Variants in KCNC1 observed in about 807,000 individuals in gnomAD.
KCNC1 encodes voltage-gated potassium channel KCNC1.
Under a neutral mutation model 43.4 loss-of-function variants are expected in KCNC1, and 8 were observed. The observed-to-expected ratio is 0.18, with a 90% confidence interval of 0.11 to 0.33. The LOEUF (loss-of-function observed/expected upper bound fraction) is 0.33, where lower values mean the gene tolerates loss of function less well. Among genes scored for constraint, KCNC1 ranks in the 10% least tolerant of loss-of-function variants. The pLI is 1.00. For missense variants in KCNC1, 420 were observed against 836.0 expected, an observed-to-expected ratio of 0.50 and a Z score of 6.14; for synonymous variants, 361 against 360.5, an observed-to-expected ratio of 1.00 and a Z score of -0.01.
intron 2 of KCNC1, among the ~76,000 whole-genome samples, chr11:17,778,590 A>T (rs962753449): frequency 6.6e-6 from 1 of 152,190 alleles, no homozygotes; most frequent in Non-Finnish European, 1.5e-5. Context: ...ATGTGTGGGG[A>T]CCAGAGCAGA....
Position 17,757,223 on chromosome 11 carries a change from G to C in KCNC1, c.571-14442G>C, listed in dbSNP as rs565643237. Among the ~76,000 whole-genome samples, 112 of 152,250 alleles carry C rather than the reference G, an allele frequency of 7.4e-4. 1 individual carries two copies. The highest frequency in any genetic ancestry group is 2.6e-3 in the African/African-American group (110 of 41,544). On this transcript the variant is annotated intron_variant, in intron 1 of 3. Transcript: ENST00000265969. ...TGTGCCATCCATTTAGCCACACACA[G>C]TGAGTGATGAACAAAAGCAGACTCT... is the stretch of plus-strand genomic sequence containing the variant.
chr11:17,741,572 G>A (rs1273705797), intron 1 of KCNC1, among the ~76,000 whole-genome samples: 1 of 152,070 alleles, frequency 6.6e-6, no homozygotes, highest in Non-Finnish European at 1.5e-5. Flanking sequence ...CCAGCCCCTG[G>A]CTGCTCCAGT....
intron 1 of KCNC1, among the ~76,000 whole-genome samples, chr11:17,767,305 A>G (rs946654766): frequency 2.7e-5 from 4 of 145,662 alleles, no homozygotes; most frequent in African/African-American, 5.6e-5. Context: ...AAAAAAGAAA[A>G]GAAAAGAAAA....
Position 17,771,598 on chromosome 11 carries a change from C to A in KCNC1, c.571-67C>A. The A allele has an allele frequency of 6.9e-7, 1 of 1,439,642 alleles. No homozygotes were observed. Among genetic ancestry groups the A allele is most frequent in the Non-Finnish European group, 9.5e-7 (1 of 1,048,868 alleles). The allele number at this position is 1,439,642 out of a possible 1,614,324, so 89.2% of individuals were successfully genotyped here. On this transcript the variant is annotated intron_variant, in intron 1 of 3. Coordinates refer to ENST00000265969, the MANE Select transcript of KCNC1 (RefSeq NM_001112741.2). This position sits in a 1 kb window ranked among gnomAD's most constrained non-coding sequence, Gnocchi z 4.7. Reference sequence around the variant, plus strand: ...CCCCCCGCCTGGCCCTGGGACTGGACAGAGGCAACCCAGGCTTCTCCACTC... The same window carrying A: ...CCCCCCGCCTGGCCCTGGGACTGGAAAGAGGCAACCCAGGCTTCTCCACTC...
In KCNC1 at chr11:17,777,778, A is replaced by AT. The variant is rs551975159; in HGVS notation, c.1505-1671dup. ...TTTTAAGTTCCAAAATTATGATGGGATTTTTTTGGATTTGCTTTACGAATA... is the reference window on the plus strand; with the variant it reads ...TTTTAAGTTCCAAAATTATGATGGGATTTTTTTTGGATTTGCTTTACGAATA... On this transcript the variant is annotated intron_variant, in intron 2 of 3. Coordinates refer to ENST00000265969, the MANE Select transcript of KCNC1 (RefSeq NM_001112741.2). This position sits in a 1 kb window ranked among gnomAD's most constrained non-coding sequence, Gnocchi z 4.3. 209 of 986,150 alleles carry AT rather than the reference A, an allele frequency of 2.1e-4. 1 individual carries two copies. The African/African-American group carries it at 3.4e-3, about 16-fold the overall frequency. 61.1% of individuals were successfully genotyped at this position (986,150 alleles called of 1,614,324 possible).
In KCNC1 at chr11:17,779,963, C is replaced by A. The variant is rs1849328100; in HGVS notation, c.1693+319C>A. 4.4e-6 allele frequency: 1 copy of A among 226,856 alleles called. No homozygotes were observed. The highest frequency in any genetic ancestry group is 5.5e-5 in the Admixed American group (1 of 18,114). 14.1% of individuals were successfully genotyped at this position (226,856 alleles called of 1,614,324 possible). A position where few individuals can be genotyped will look rare whatever the true frequency, so the allele number is the denominator to read the frequency against. ...AATGCAGGAGGAGCCTTGACTCCCC[C>A]AGGCTGCTCTTGCAGATGGCAGGTC... On this transcript the variant is annotated intron_variant, in intron 3 of 3. Transcript: ENST00000265969. The surrounding 1 kb of genome is among the most constrained non-coding windows in gnomAD (Gnocchi z 7.2).
chr11:17,764,806 C>T (rs1849129706), intron 1 of KCNC1, among the ~76,000 whole-genome samples: 1 of 152,196 alleles, frequency 6.6e-6, no homozygotes, highest in Non-Finnish European at 1.5e-5. Flanking sequence ...CCCCAGCCGG[C>T]CCAGCACACT....
At chr11:17,766,753 C>T (rs1849154837) in intron 1 of KCNC1, among the ~76,000 whole-genome samples, 1 of 152,062 alleles carries the variant, frequency 6.6e-6, no homozygotes. Flanking sequence ...GCCTGTTAGG[C>T]TCCTAGACAG....
At chr11:17,765,811 T>TG (rs2133800321) in intron 1 of KCNC1, 1 of 152,408 alleles carries the variant, frequency 6.6e-6, no homozygotes, top group East Asian at 1.9e-4. Context: ...CAGGAGGGAC[T>TG]GGCCTCCCAG....
chr11:17,748,932 G>A (rs1336198138), intron 1 of KCNC1, among the ~76,000 whole-genome samples: 1 of 152,180 alleles, frequency 6.6e-6, no homozygotes, highest in Non-Finnish European at 1.5e-5. Flanking sequence ...TGAGCTGGGT[G>A]TGGGGCTGGA....
At chr11:17,758,106 G>A (rs1329222117) in intron 1 of KCNC1, among the ~76,000 whole-genome samples, 2 of 152,220 alleles carry the variant, frequency 1.3e-5, no homozygotes, top group Admixed American at 6.5e-5. Context: ...TTTATCAGCT[G>A]AGTTTATGGA....
Position 17,735,132 on chromosome 11 carries a change from G to C in KCNC1, c.-871G>C, listed in dbSNP as rs1848748397. 1 of 152,126 alleles carries C rather than the reference G, an allele frequency of 6.6e-6. No individual in the cohort carries two copies. The highest frequency in any genetic ancestry group is 1.5e-5 in the Non-Finnish European group (1 of 68,062). The allele number at this position is 152,126 out of a possible 1,614,324, so 9.4% of individuals were successfully genotyped here. A position where few individuals can be genotyped will look rare whatever the true frequency, so the allele number is the denominator to read the frequency against. Reference sequence around the variant, plus strand: ...GGAGCTGTCCCTTCAGCACCGCCGCGGGAGCCCAAGTCCGAGCGCAGCCCA... The same window carrying C: ...GGAGCTGTCCCTTCAGCACCGCCGCCGGAGCCCAAGTCCGAGCGCAGCCCA... On this transcript the variant is annotated 5_prime_UTR_variant, in exon 1 of 4. Coordinates refer to ENST00000265969, the MANE Select transcript of KCNC1 (RefSeq NM_001112741.2). The surrounding 1 kb of genome is among the most constrained non-coding windows in gnomAD (Gnocchi z 6.7).
chr11:17,766,424 G>T (rs886341186), intron 1 of KCNC1, among the ~76,000 whole-genome samples: 6 of 152,148 alleles, frequency 3.9e-5, no homozygotes, highest in African/African-American at 9.7e-5. Flanking sequence ...GCTTGGATTG[G>T]GAAGCAGATC....
intron 1 of KCNC1, among the ~76,000 whole-genome samples, chr11:17,768,423 C>T (rs151320418): frequency 1.7e-3 from 263 of 152,106 alleles, no homozygotes; most frequent in African/African-American, 5.7e-3. Flanking sequence ...GAGGCCAGGA[C>T]GTGGAGAGCC....
chr11:17,756,520 A>ACACACAC (rs1849023711), intron 1 of KCNC1, among the ~76,000 whole-genome samples: 2 of 143,908 alleles, frequency 1.4e-5, no homozygotes, highest in Non-Finnish European at 3.0e-5. Context: ...CTTCCCTCCA[A>ACACACAC]ACACACACAC....
In KCNC1 at chr11:17,739,236, T is replaced by G. The variant is rs531723699; in HGVS notation, c.570+2664T>G. ...GTTATTCTAGATCTAGGCCAGCATG[T>G]TGTGTGTGATCTTGCATATGTGTGT... On this transcript the variant is annotated intron_variant, in intron 1 of 3. Transcript: ENST00000265969. This position sits in a 1 kb window ranked among gnomAD's most constrained non-coding sequence, Gnocchi z 4.2. Among the ~76,000 whole-genome samples the G allele has an allele frequency of 6.6e-6, 1 of 152,128 alleles. No individual in the cohort carries two copies. Among genetic ancestry groups the G allele is most frequent in the African/African-American group, 2.4e-5 (1 of 41,424 alleles).
rs537837851 is a variant in KCNC1 at position 17,755,447 on chromosome 11, T to G, written c.571-16218T>G. ...GAACCTGGGAGACCAGTTAAGAGAC[T>G]GGTCTATTACCATGACCCGGGGGGA... is the stretch of plus-strand genomic sequence containing the variant. On this transcript the variant is annotated intron_variant, in intron 1 of 3. Coordinates refer to ENST00000265969, the MANE Select transcript of KCNC1 (RefSeq NM_001112741.2). Among the ~76,000 whole-genome samples the G allele has an allele frequency of 9.9e-5, 15 of 152,230 alleles. No individual in the cohort carries two copies. The South Asian group carries it at 2.9e-3, about 30-fold the overall frequency.
chr11:17,768,978 C>T (rs1849190852), intron 1 of KCNC1, among the ~76,000 whole-genome samples: 1 of 152,222 alleles, frequency 6.6e-6, no homozygotes, highest in Non-Finnish European at 1.5e-5. Context: ...AACTTGCAGC[C>T]AGCATGGCAG....
chr11:17,775,349 G>T (rs761636228), intron 2 of KCNC1: 2 of 985,484 alleles, frequency 2.0e-6, no homozygotes, highest in Non-Finnish European at 2.4e-6. Context: ...CCACCTCTTG[G>T]TCTCGTCTGA....
Sources: gnomAD v4.1 joint callset for allele counts (sites outside exome capture counted in the v4.1 genomes callset) on GRCh38, gnomAD v4.1.1 for gene constraint, Gnocchi (gnomAD v3.1) non-coding constraint, MANE v1.5 for transcripts, NCBI Gene and HGNC (gene_info 2026-07-23, HGNC 2026-07-21) for gene names.